STXBP5: variants seen among roughly 807,000 people sequenced by gnomAD.
STXBP5 encodes syntaxin binding protein 5, also known as syntaxin-binding protein 5.
Under a neutral mutation model 152.4 loss-of-function variants are expected in STXBP5, and 50 were observed. The observed-to-expected ratio is 0.33, with a 90% CI of 0.26 to 0.42. The LOEUF (loss-of-function observed/expected upper bound fraction) is 0.42. Among genes scored for constraint, STXBP5 ranks in the 10% least tolerant of loss-of-function variants. The pLI, the probability that STXBP5 is intolerant of heterozygous loss-of-function variation, is 1.00. For missense variants in STXBP5, 1,167 were observed against 1,388.6 expected (o/e 0.84, Z 2.54); for synonymous variants, 492 against 494.7 (o/e 0.99, Z 0.07).
Position 147,310,182 on chromosome 6 carries a change from A to G in STXBP5, c.1016A>G (p.Glu339Gly). 3.7e-6 allele frequency: 6 copies of G among 1,605,076 alleles called. No homozygotes were observed. The highest frequency in any genetic ancestry group is 5.1e-6 in the Non-Finnish European group (6 of 1,177,412). ...VMHGKSTAVL[E>G]MDYSIVDFLT... ...CATGGGAAAAGCACTGCTGTGCTAG[A>G]AATGGACTATTCAATTGTTGATTTT... The change falls in exon 10 of 28, where the codon GAA becomes GGA. Residue 339 changes from glutamate to glycine, a missense_variant. By Grantham distance (98) the Glu-to-Gly change is moderately conservative. Transcript: ENST00000321680.
At chr6:147,230,545 G>A (rs915119394) in intron 2 of STXBP5, among the ~76,000 whole-genome samples, 1 of 151,796 alleles carries the variant, frequency 6.6e-6, no homozygotes, top group African/African-American at 2.4e-5. Context: ...GGTTTATTAA[G>A]TACCCAGTTG....
rs146732927 is a variant in STXBP5, at chr6:147,236,404, C to T, written c.330+1073C>T. Among the ~76,000 whole-genome samples, 576 of 152,136 alleles carry T rather than the reference C, an allele frequency of 3.8e-3. 3 individuals carry two copies. The highest frequency in any genetic ancestry group is 6.9e-3 in the African/African-American group (287 of 41,502). On this transcript the variant is annotated intron_variant, in intron 3 of 27. Transcript: ENST00000321680. ...TTTAAATAATGTTTTATTATGGAAT[C>T]ATTATACTCATGGTTAAGTTTAAAA...
At chr6:147,367,434 C>T (rs1477326399) in intron 25 of STXBP5, among the ~76,000 whole-genome samples, 1 of 151,970 alleles carries the variant, frequency 6.6e-6, no homozygotes, top group Non-Finnish European at 1.5e-5. Flanking sequence ...GTCAGGAGAT[C>T]GAGACCATCC....
chr6:147,337,269 A>C lies in STXBP5; in HGVS notation c.2147-1910A>C, dbSNP rs773966998. 1.7e-4 allele frequency among the ~76,000 whole-genome samples: 26 copies of C among 151,340 alleles called. No individual in the cohort carries two copies. The East Asian group carries it at 4.9e-3, about 28-fold the overall frequency. ...CTGTTAGGTTATTTCAAGCTGAAGA[A>C]AACCCAGGGCCACACATACCATGAT... On this transcript the variant is annotated intron_variant, in intron 19 of 27. Transcript: ENST00000321680.
intron 22 of STXBP5, among the ~76,000 whole-genome samples, chr6:147,357,936 A>G (rs1784885997): frequency 6.6e-6 from 1 of 152,186 alleles, no homozygotes; most frequent in South Asian, 2.1e-4. Context: ...AGAAAAAGGA[A>G]AAGGCTAGGG....
Position 147,205,964 on chromosome 6 carries a change from T to A in STXBP5, c.151-7T>A. 1.2e-6 allele frequency: 2 copies of A among 1,613,370 alleles called. No individual in the cohort carries two copies. The highest frequency in any genetic ancestry group is 1.7e-6 in the Non-Finnish European group (2 of 1,179,292). ...TGGTTGCTGTGATGTCACTTGCCCA[T>A]CCCTAGACTGTTCGCCATGGATTTC... is the stretch of plus-strand genomic sequence containing the variant. On this transcript the variant is annotated splice_region_variant and splice_polypyrimidine_tract_variant and intron_variant, in intron 1 of 27. Transcript: ENST00000321680.
At chr6:147,366,595 A>G (rs962417433) in intron 25 of STXBP5, among the ~76,000 whole-genome samples, 4 of 152,152 alleles carry the variant, frequency 2.6e-5, no homozygotes, top group African/African-American at 7.2e-5. Flanking sequence ...TTATGGCTGC[A>G]TTACCTCCTC....
intron 22 of STXBP5, among the ~76,000 whole-genome samples, chr6:147,358,380 G>A (rs1265204818): frequency 6.6e-6 from 1 of 152,154 alleles, no homozygotes; most frequent in East Asian, 1.9e-4. Context: ...AGGTGCCAAG[G>A]GCTAAGCAGC....
At chr6:147,283,346 A>G (rs950623071) in intron 8 of STXBP5, among the ~76,000 whole-genome samples, 5 of 152,364 alleles carry the variant, frequency 3.3e-5, no homozygotes, top group African/African-American at 9.6e-5. Context: ...AATCTAAAAC[A>G]TTCAGTAAAT....
chr6:147,363,079 T>C (rs1785136949), intron 23 of STXBP5, among the ~76,000 whole-genome samples: 2 of 152,226 alleles, frequency 1.3e-5, no homozygotes, highest in Admixed American at 1.3e-4. Context: ...AGATATGTGT[T>C]TGCAAAATTT....
rs1786440732 is a variant in STXBP5, at chr6:147,388,457, A to T, written c.*3702A>T. The T allele has an allele frequency of 6.6e-6, 1 of 151,652 alleles. No homozygotes were observed. The highest frequency in any genetic ancestry group is 2.4e-5 in the African/African-American group (1 of 41,396). 9.4% of individuals were successfully genotyped at this position (151,652 alleles called of 1,614,324 possible). On this transcript the variant is annotated 3_prime_UTR_variant, in exon 28 of 28. Transcript: ENST00000321680. Reference sequence around the variant, plus strand: ...AATATACTTTTAGTTTTAAAATGGAATTTTTATAAATGTACTTTAATTTTA... The same window carrying T: ...AATATACTTTTAGTTTTAAAATGGATTTTTTATAAATGTACTTTAATTTTA...
intron 27 of STXBP5, among the ~76,000 whole-genome samples, chr6:147,383,229 T>C (rs1276404454): frequency 2.6e-5 from 4 of 152,068 alleles, no homozygotes; most frequent in African/African-American, 9.7e-5. Flanking sequence ...CTGCCCACCT[T>C]CAGGCTTTTG....
At chr6:147,375,048 A>G (rs568937230) in intron 26 of STXBP5, among the ~76,000 whole-genome samples, 18 of 152,324 alleles carry the variant, frequency 1.2e-4, no homozygotes, top group African/African-American at 4.1e-4. Flanking sequence ...ATGATCTCAG[A>G]AAGAATATAG....
intron 23 of STXBP5, among the ~76,000 whole-genome samples, chr6:147,361,890 A>G (rs1031681208): frequency 1.3e-5 from 2 of 152,204 alleles, no homozygotes; most frequent in Non-Finnish European, 2.9e-5. Flanking sequence ...TAATAATTAA[A>G]ACTGTAAGAT....
chr6:147,235,293 G>T lies in STXBP5; in HGVS notation c.292G>T (p.Gly98Ter). The change falls in exon 3 of 28, where the codon GGA becomes TGA. Residue 98 changes from glycine (G) to a stop codon, truncating the protein, a stop_gained. Transcript: ENST00000321680. LOFTEE classifies it high-confidence loss of function. ...GVECYCQHDSGAAVIQLQFLI... is the reference protein window; with the variant it reads ...GVECYCQHDS ...AGAATGTTATTGCCAGCATGACAGT[G>T]GAGCTGCAGTAATCCAGCTCCAGTT... The T allele has an allele frequency of 6.2e-7, 1 of 1,613,168 alleles. No individual in the cohort carries two copies. Among genetic ancestry groups the T allele is most frequent in the Non-Finnish European group, 8.5e-7 (1 of 1,179,428 alleles).
intron 2 of STXBP5, among the ~76,000 whole-genome samples, chr6:147,229,780 A>G (rs1267024701): frequency 1.3e-5 from 2 of 151,820 alleles, no homozygotes; most frequent in South Asian, 2.1e-4. Context: ...AGAATTTTCT[A>G]TATATGAGAT....
At chr6:147,220,925 C>T (rs1777426656) in intron 2 of STXBP5, among the ~76,000 whole-genome samples, 1 of 151,950 alleles carries the variant, frequency 6.6e-6, no homozygotes, top group South Asian at 2.1e-4. Context: ...CTATTTGTTG[C>T]CCTTGTTTTT....
chr6:147,330,250 TATC>T (rs1388372727), intron 18 of STXBP5, among the ~76,000 whole-genome samples: 3 of 152,182 alleles, frequency 2.0e-5, no homozygotes, highest in Non-Finnish European at 2.9e-5. Flanking sequence ...CTGGTCATTT[TATC>T]ATTCAGTAGA....
chr6:147,315,655 A>G lies in STXBP5; in HGVS notation c.1543A>G (p.Met515Val), dbSNP rs1476724333. 6.8e-6 allele frequency: 11 copies of G among 1,613,984 alleles called. No homozygotes were observed. The highest frequency in any genetic ancestry group is 8.5e-6 in the Non-Finnish European group (10 of 1,179,934). The change falls in exon 15 of 28, where the codon ATG becomes GTG. Residue 515 changes from methionine to valine, a missense_variant. Transcript: ENST00000321680. ...CATCTCCTGGTGTCCAGAAAGTAGA[A>G]TGCTGTGCATCGCTGGAGTTTCAGC... ...QIISWCPESR[M>V]LCIAGVSAHV...
Sources: gnomAD v4.1 joint callset for allele counts (sites outside exome capture counted in the v4.1 genomes callset) on GRCh38, gnomAD v4.1.1 for gene constraint, MANE v1.5 for transcripts, NCBI Gene and HGNC (gene_info 2026-07-23, HGNC 2026-07-21) for gene names.